The following PLS3 variants were observed in gnomAD, a reference collection of about 807,000 sequenced individuals.
The protein encoded by PLS3 is plastin 3.
PLS3 carries 11 observed loss-of-function variants against 46.5 expected under a neutral mutation model. The observed-to-expected ratio is 0.24, with a 90% confidence interval of 0.15 to 0.39. The LOEUF is 0.39. Among genes scored for constraint, PLS3 ranks in the 10% least tolerant of loss-of-function variants. The pLI is 1.00. For synonymous variants in PLS3, 167 were observed against 162.2 expected (o/e 1.03, Z -0.22); for missense variants, 308 against 461.8 (o/e 0.67, Z 3.05).
chrX:115,568,922 G>A (rs181265853), intron 1 of PLS3, among the ~76,000 whole-genome samples: 118 of 110,571 alleles, frequency 1.1e-3, no homozygotes, highest in African/African-American at 3.5e-3. Context: ...TGTAATCCCA[G>A]CTACTTGGGA....
chrX:115,647,162 T>C (rs1556641816), intron 13 of PLS3, among the ~76,000 whole-genome samples: 3 of 110,748 alleles, frequency 2.7e-5, no homozygotes, highest in African/African-American at 3.3e-5. Flanking sequence ...GGGCCAGGAG[T>C]GGTGGCTCAC....
At chrX:115,571,635 A>G (rs1325850739) in intron 1 of PLS3, among the ~76,000 whole-genome samples, 1 of 112,242 alleles carries the variant, frequency 8.9e-6, no homozygotes, top group Non-Finnish European at 1.9e-5. Flanking sequence ...AATTACAGAC[A>G]CCGTTATAAA....
At chrX:115,613,395 A>G (rs2074565022) in intron 2 of PLS3, among the ~76,000 whole-genome samples, 1 of 111,864 alleles carries the variant, frequency 8.9e-6, no homozygotes. Flanking sequence ...TCGCTAGTAT[A>G]TAAAAACCAC....
chrX:115,642,594 C>T, intron 9 of PLS3, among the ~76,000 whole-genome samples: 1 of 111,410 alleles, frequency 9.0e-6, no homozygotes, highest in Non-Finnish European at 1.9e-5. Flanking sequence ...CCAAGGAGTC[C>T]ACTCTGTCAT....
At chrX:115,625,318 TGC>T (rs1303116749) in intron 3 of PLS3, among the ~76,000 whole-genome samples, 10 of 109,785 alleles carry the variant, frequency 9.1e-5, no homozygotes, top group East Asian at 8.5e-4. Flanking sequence ...TGTGTGTGTG[TGC>T]GCGCGTGTGT....
At chrX:115,642,292 C>A (rs1556641123) in intron 9 of PLS3, among the ~76,000 whole-genome samples, 2 of 110,878 alleles carry the variant, frequency 1.8e-5, no homozygotes, top group Non-Finnish European at 3.8e-5. Context: ...CTTTTTTAAT[C>A]CTTCAATTCC....
intron 1 of PLS3, among the ~76,000 whole-genome samples, chrX:115,576,214 G>C (rs782736374): frequency 1.1e-4 from 12 of 112,120 alleles, no homozygotes; most frequent in African/African-American, 3.6e-4. Flanking sequence ...GTTTGAGGGA[G>C]TCTTTATCTT....
Position 115,628,956 on chromosome X carries a change from T to G in PLS3, c.238-242T>G, listed in dbSNP as rs371317588. 5.4e-5 allele frequency among the ~76,000 whole-genome samples: 6 copies of G among 111,856 alleles called. No individual in the cohort carries two copies. In the South Asian group the frequency reaches 2.2e-3, roughly 42 times the overall value. ...CATTAGTTTTTGGCTTAAAGTGAGT[T>G]CAATGCATGTAGCGCTTAATGTTTT... On this transcript the variant is annotated intron_variant, in intron 3 of 15. Coordinates refer to ENST00000355899, the MANE Select transcript of PLS3 (RefSeq NM_005032.7).
intron 1 of PLS3, among the ~76,000 whole-genome samples, chrX:115,563,559 A>G (rs1324794078): frequency 1.8e-5 from 2 of 111,934 alleles, no homozygotes; most frequent in Non-Finnish European, 3.8e-5. Flanking sequence ...ATCTGAAAAA[A>G]AAAGAAAAAA....
intron 1 of PLS3, among the ~76,000 whole-genome samples, chrX:115,587,094 G>A (rs1280073320): frequency 8.9e-6 from 1 of 112,073 alleles, no homozygotes; most frequent in Non-Finnish European, 1.9e-5. Flanking sequence ...TTTTCACTGT[G>A]TTAACATTTG....
intron 1 of PLS3, among the ~76,000 whole-genome samples, chrX:115,575,366 T>C (rs1347582489): frequency 8.9e-6 from 1 of 112,201 alleles, no homozygotes; most frequent in Non-Finnish European, 1.9e-5. Flanking sequence ...AAGATAACAT[T>C]TCACTTATTA....
At chrX:115,583,893 A>C (rs782605581) in intron 1 of PLS3, among the ~76,000 whole-genome samples, 1 of 111,173 alleles carries the variant, frequency 9.0e-6, no homozygotes, top group East Asian at 2.8e-4. Flanking sequence ...TGTGTGTGGC[A>C]AGTTTGAGGA....
chrX:115,644,934 T>C (rs946882391), intron 10 of PLS3, 87 bp from the exon 11 acceptor site: 1 of 592,975 alleles, frequency 1.7e-6, no homozygotes, highest in Non-Finnish European at 2.8e-6. Flanking sequence ...AATAGAGAGA[T>C]AAAATAATCT....
chrX:115,567,712 T>C (rs782046011), intron 1 of PLS3, among the ~76,000 whole-genome samples: 14 of 93,020 alleles, frequency 1.5e-4, no homozygotes, highest in South Asian at 1.5e-3. Flanking sequence ...TCTTCTTCTT[T>C]TTTTTTTTTT....
At chrX:115,618,778 C>G (rs2147508004) in intron 2 of PLS3, among the ~76,000 whole-genome samples, 1 of 110,942 alleles carries the variant, frequency 9.0e-6, no homozygotes, top group Admixed American at 9.6e-5. Flanking sequence ...GTAATCCCAG[C>G]TACTCAGGAG....
chrX:115,564,200 G>T (rs782365133), intron 1 of PLS3, among the ~76,000 whole-genome samples: 16 of 111,487 alleles, frequency 1.4e-4, no homozygotes, highest in Non-Finnish European at 2.3e-4. Flanking sequence ...TTTACCTGAG[G>T]TGGGGAGCTA....
At chrX:115,633,798 CT>C (rs1426689688) in intron 5 of PLS3, among the ~76,000 whole-genome samples, 84 of 110,669 alleles carry the variant, frequency 7.6e-4, no homozygotes, top group Non-Finnish European at 1.5e-3. Flanking sequence ...AGGCCTTGGC[CT>C]TTTTTATTTT....
chrX:115,629,099 GA>G (rs1373985267), intron 3 of PLS3, 98 bp from the exon 4 acceptor site: 2 of 610,838 alleles, frequency 3.3e-6, no homozygotes, highest in East Asian at 7.5e-5. Context: ...ATCAGCTATG[GA>G]AAAAATGTAA....
intron 1 of PLS3, among the ~76,000 whole-genome samples, chrX:115,576,809 A>T (rs782048326): frequency 9.3e-4 from 105 of 112,333 alleles, no homozygotes; most frequent in African/African-American, 3.4e-3. Flanking sequence ...AACTTTCTGG[A>T]GTCCCATTTA....
Sources: allele counts gnomAD v4.1 joint callset (sites outside exome capture counted in the v4.1 genomes callset), GRCh38; gene constraint gnomAD v4.1.1; transcripts MANE v1.5; gene names NCBI Gene and HGNC (gene_info 2026-07-23, HGNC 2026-07-21).